KCNH8: variants seen among roughly 807,000 people sequenced by gnomAD.
KCNH8 encodes potassium voltage-gated channel subfamily H member 8, also known as voltage-gated delayed rectifier potassium channel KCNH8.
KCNH8 carries 70 observed loss-of-function variants against 103.6 expected under a neutral mutation model. That is an observed-to-expected ratio of 0.68 (90% CI 0.56 to 0.82). The LOEUF is 0.82. KCNH8 is among the 40% of genes least tolerant of loss of function. KCNH8 has a pLI of 0.00. For synonymous variants in KCNH8, 498 were observed against 489.4 expected (o/e 1.02, Z -0.23); for missense variants, 1,217 against 1,329.9 (o/e 0.92, Z 1.32).
intron 1 of KCNH8, among the ~76,000 whole-genome samples, chr3:19,220,246 T>C (rs1476499891): frequency 6.6e-6 from 1 of 152,230 alleles, no homozygotes; most frequent in African/African-American, 2.4e-5. Context: ...TGGAAAATCC[T>C]TCTTAAACCC....
At chr3:19,256,681 C>G (rs982023490) in intron 2 of KCNH8, among the ~76,000 whole-genome samples, 17 of 151,996 alleles carry the variant, frequency 1.1e-4, no homozygotes, top group Admixed American at 1.1e-3. Context: ...ACAATGGAGA[C>G]TTATAGGCTT....
At chr3:19,295,035 A>G (rs545215211) in intron 3 of KCNH8, among the ~76,000 whole-genome samples, 5 of 152,032 alleles carry the variant, frequency 3.3e-5, no homozygotes, top group Non-Finnish European at 7.4e-5. Context: ...TTGGAATTTA[A>G]TATTAAAAAA....
intron 11 of KCNH8, among the ~76,000 whole-genome samples, chr3:19,480,503 T>C (rs2068066254): frequency 6.6e-6 from 1 of 152,220 alleles, no homozygotes; most frequent in African/African-American, 2.4e-5. Flanking sequence ...TAGGAACTTT[T>C]ACCATTGAGG....
intron 2 of KCNH8, among the ~76,000 whole-genome samples, chr3:19,270,697 T>C (rs1293132073): frequency 1.3e-5 from 2 of 152,152 alleles, no homozygotes; most frequent in Non-Finnish European, 2.9e-5. Context: ...GGCACAGTGT[T>C]CACAAGTCTT....
At chr3:19,241,838 A>G (rs2090183135) in intron 1 of KCNH8, among the ~76,000 whole-genome samples, 1 of 152,154 alleles carries the variant, frequency 6.6e-6, no homozygotes, top group Non-Finnish European at 1.5e-5. Flanking sequence ...GGGCTCAGGT[A>G]TGTGTGGCTA....
chr3:19,506,338 T>C (rs1396620307), intron 11 of KCNH8, among the ~76,000 whole-genome samples: 1 of 152,250 alleles, frequency 6.6e-6, no homozygotes, highest in Non-Finnish European at 1.5e-5. Flanking sequence ...GTTTCATTTC[T>C]GGATGTTTTC....
chr3:19,242,006 A>G (rs1471981236), intron 1 of KCNH8, among the ~76,000 whole-genome samples: 4 of 152,180 alleles, frequency 2.6e-5, no homozygotes, highest in African/African-American at 7.2e-5. Context: ...TGAAATATGT[A>G]AAACAGGGAG....
At chr3:19,198,393 C>A (rs2063623236) in intron 1 of KCNH8, among the ~76,000 whole-genome samples, 1 of 152,000 alleles carries the variant, frequency 6.6e-6, no homozygotes, top group Admixed American at 6.6e-5. Flanking sequence ...GCGGAACCAA[C>A]ATTGCAGTGC....
At chr3:19,170,802 A>ATTTTT in intron 1 of KCNH8, among the ~76,000 whole-genome samples, 1 of 100,584 alleles carries the variant, frequency 9.9e-6, no homozygotes, top group African/African-American at 4.9e-5. Flanking sequence ...ATATATATAT[A>ATTTTT]TATATATATT....
intron 1 of KCNH8, among the ~76,000 whole-genome samples, chr3:19,222,128 C>T (rs980121761): frequency 1.3e-5 from 2 of 152,160 alleles, no homozygotes; most frequent in African/African-American, 2.4e-5. Flanking sequence ...GGATTACAGG[C>T]GTGAGCCACT....
At chr3:19,491,054 G>T (rs1373749852) in intron 11 of KCNH8, among the ~76,000 whole-genome samples, 1 of 152,108 alleles carries the variant, frequency 6.6e-6, no homozygotes, top group Non-Finnish European at 1.5e-5. Flanking sequence ...AATAAATATA[G>T]TGCTCTTTTT....
Position 19,390,470 on chromosome 3 carries a change from T to C in KCNH8, c.812-11T>C, listed in dbSNP as rs770770570. 1.3e-5 allele frequency: 21 copies of C among 1,599,116 alleles called. 1 individual carries two copies. In the South Asian group the frequency reaches 2.2e-4, roughly 17 times the overall value. On this transcript the variant is annotated splice_polypyrimidine_tract_variant and intron_variant, in intron 5 of 15. Coordinates refer to ENST00000328405, the MANE Select transcript of KCNH8 (RefSeq NM_144633.3). ...TTCCTTTTATTTCTCAACCTTTTTT[T>C]TCCCAAGCAGATATTATTTTAAATT... is the stretch of plus-strand genomic sequence containing the variant.
At chr3:19,385,199 AAGG>A (rs2066339792) in intron 5 of KCNH8, among the ~76,000 whole-genome samples, 1 of 152,124 alleles carries the variant, frequency 6.6e-6, no homozygotes, top group African/African-American at 2.4e-5. Flanking sequence ...TATGAGAAAG[AAGG>A]CATTTCCTCT....
intron 1 of KCNH8, among the ~76,000 whole-genome samples, chr3:19,149,567 G>T (rs1448914403): frequency 6.6e-6 from 1 of 152,038 alleles, no homozygotes; most frequent in African/African-American, 2.4e-5. Flanking sequence ...TCATCTGCAA[G>T]TTGTTCTCTT....
At chr3:19,425,765 A>T (rs2067019659) in intron 7 of KCNH8, among the ~76,000 whole-genome samples, 1 of 152,232 alleles carries the variant, frequency 6.6e-6, no homozygotes, top group Non-Finnish European at 1.5e-5. Flanking sequence ...CAGTTCTAGT[A>T]CAAAATATCG....
At chr3:19,241,576 T>C (rs1475313982) in intron 1 of KCNH8, among the ~76,000 whole-genome samples, 4 of 152,180 alleles carry the variant, frequency 2.6e-5, no homozygotes, top group Non-Finnish European at 5.9e-5. Context: ...AGTTTTCTCA[T>C]GAAAAGACAA....
intron 1 of KCNH8, among the ~76,000 whole-genome samples, chr3:19,217,467 T>C (rs1341795548): frequency 2.0e-5 from 3 of 152,190 alleles, no homozygotes; most frequent in Non-Finnish European, 2.9e-5. Context: ...TATTTGTTCA[T>C]CAATACTCTT....
At chr3:19,508,441 C>T (rs1020979293) in intron 11 of KCNH8, among the ~76,000 whole-genome samples, 1 of 152,130 alleles carries the variant, frequency 6.6e-6, no homozygotes, top group African/African-American at 2.4e-5. Flanking sequence ...ACTTTGCAGC[C>T]ATCACCAAAT....
chr3:19,298,531 G>A (rs558099795), intron 3 of KCNH8, among the ~76,000 whole-genome samples: 2 of 152,320 alleles, frequency 1.3e-5, no homozygotes, highest in South Asian at 2.1e-4. Context: ...TAAAAATCAT[G>A]TGATGAGCTG....
Sources: allele counts gnomAD v4.1 joint callset (sites outside exome capture counted in the v4.1 genomes callset), GRCh38; gene constraint gnomAD v4.1.1; transcripts MANE v1.5; gene names NCBI Gene and HGNC (gene_info 2026-07-23, HGNC 2026-07-21).